Variants in SCFD2 observed in about 807,000 individuals in gnomAD.
SCFD2 encodes the protein sec1 family domain-containing protein 2.
SCFD2 carries 54 observed loss-of-function variants against 58.9 expected under a neutral mutation model. The ratio of observed to expected loss-of-function variants is 0.92; its 90% confidence interval spans 0.74 to 1.15. SCFD2 has a LOEUF of 1.15. Among genes scored for constraint, SCFD2 ranks in the 50% most tolerant of loss-of-function variants. The pLI is 0.00. For missense variants in SCFD2, 805 were observed against 836.6 expected, an observed-to-expected ratio of 0.96 and a Z score of 0.47; for synonymous variants, 321 against 335.9, an observed-to-expected ratio of 0.96 and a Z score of 0.49.
intron 4 of SCFD2, among the ~76,000 whole-genome samples, chr4:53,172,376 T>C (rs1345522133): frequency 6.6e-6 from 1 of 152,168 alleles, no homozygotes; most frequent in Non-Finnish European, 1.5e-5. Flanking sequence ...ATTCCTTTCT[T>C]CTGCTAACTT....
rs1734668751 is a variant in SCFD2 at position 53,365,418 on chromosome 4, G to A, written c.524C>T (p.Ser175Phe). ...ATCCTGGGGTAGCAGTGGGAAAAGG[G>A]ATGCAAAAGCTGGAGTCAAGGCAAA... ...PHFALTPAFA[S>F]LFPLLPQDVH... The change falls in exon 1 of 9, where the codon TCC becomes TTC. Residue 175 changes from serine to phenylalanine, a missense_variant. Transcript: ENST00000401642. This position sits in a 1 kb window ranked among gnomAD's most constrained non-coding sequence, Gnocchi z 4.3. The A allele has an allele frequency of 6.2e-7, 1 of 1,614,192 alleles. No individual in the cohort carries two copies. Among genetic ancestry groups the A allele is most frequent in the East Asian group, 2.2e-5 (1 of 44,886 alleles).
chr4:53,318,942 AACTG>A, intron 2 of SCFD2, among the ~76,000 whole-genome samples: 1 of 152,314 alleles, frequency 6.6e-6, no homozygotes, highest in Non-Finnish European at 1.5e-5. Context: ...TCAGAGAGGC[AACTG>A]ACTGATTTAA....
At chr4:52,986,317 A>C (rs1261870002) in intron 5 of SCFD2, among the ~76,000 whole-genome samples, 2 of 151,952 alleles carry the variant, frequency 1.3e-5, no homozygotes, top group East Asian at 3.9e-4. Flanking sequence ...CAATGATAAG[A>C]ATCTAATTCT....
chr4:53,235,755 G>A (rs963077191), intron 4 of SCFD2, among the ~76,000 whole-genome samples: 1 of 152,156 alleles, frequency 6.6e-6, no homozygotes, highest in Non-Finnish European at 1.5e-5. Flanking sequence ...TGATATGTGT[G>A]GAAGAGGAAA....
chr4:52,923,399 G>T (rs528455746), intron 5 of SCFD2, among the ~76,000 whole-genome samples: 26 of 152,100 alleles, frequency 1.7e-4, no homozygotes, highest in African/African-American at 6.0e-4. Flanking sequence ...AATTGCTTGA[G>T]CCCGGGAGTT....
intron 3 of SCFD2, among the ~76,000 whole-genome samples, chr4:53,298,851 C>G (rs779398018): frequency 1.6e-4 from 25 of 152,174 alleles, no homozygotes; most frequent in Non-Finnish European, 3.1e-4. Flanking sequence ...GAGTGGACCT[C>G]CAGTAAACTC....
At chr4:52,935,548 T>C (rs191553322) in intron 5 of SCFD2, among the ~76,000 whole-genome samples, 36 of 152,314 alleles carry the variant, frequency 2.4e-4, no homozygotes, top group Admixed American at 6.5e-4. Flanking sequence ...TTGTTCTACA[T>C]ATACCTTCTG....
chr4:53,136,738 T>A (rs1725954811), intron 5 of SCFD2, among the ~76,000 whole-genome samples: 1 of 152,110 alleles, frequency 6.6e-6, no homozygotes, highest in Non-Finnish European at 1.5e-5. Context: ...AGAGTCAGAG[T>A]CAAAACCAGA....
rs532727082 is a variant in SCFD2 at position 53,240,270 on chromosome 4, A to G, written c.1311+33556T>C. On this transcript the variant is annotated intron_variant, in intron 4 of 8. Transcript: ENST00000401642. ...CTAAGACTCTATAATTGATCGTAACACACACCATTATTTTATGTGCTCCCA... is the reference window on the plus strand; with the variant it reads ...CTAAGACTCTATAATTGATCGTAACGCACACCATTATTTTATGTGCTCCCA... 2.6e-5 allele frequency among the ~76,000 whole-genome samples: 4 copies of G among 152,342 alleles called. No individual in the cohort carries two copies. The South Asian group carries it at 6.2e-4, about 24-fold the overall frequency.
At chr4:52,943,636 T>C (rs1284395100) in intron 5 of SCFD2, among the ~76,000 whole-genome samples, 1 of 152,198 alleles carries the variant, frequency 6.6e-6, no homozygotes, top group East Asian at 1.9e-4. Flanking sequence ...ATAAGGGCAC[T>C]TAATCCTCAT....
chr4:53,218,883 C>G (rs1728951581), intron 4 of SCFD2, among the ~76,000 whole-genome samples: 1 of 152,142 alleles, frequency 6.6e-6, no homozygotes, highest in South Asian at 2.1e-4. Context: ...AGCTGCAGGT[C>G]TGAGTTTGCT....
At chr4:53,190,249 CTG>C (rs1727853111) in intron 4 of SCFD2, among the ~76,000 whole-genome samples, 1 of 152,056 alleles carries the variant, frequency 6.6e-6, no homozygotes, top group South Asian at 2.1e-4. Context: ...AGCTCTGAAA[CTG>C]TAGCATAGAC....
rs1043035933 is a variant in SCFD2 at position 53,033,458 on chromosome 4, TAACTC to T, written c.1561+111870_1561+111874del. Among the ~76,000 whole-genome samples, 240 of 151,862 alleles carry T rather than the reference TAACTC, an allele frequency of 1.6e-3. 1 individual carries two copies. The highest frequency in any genetic ancestry group is 5.4e-3 in the African/African-American group (225 of 41,374). ...TCAAAAGCTAGCAGAAGACAAGAAA[TAACTC>T]AGATCAGAGCAGAACTGAAGGAGAT... is the stretch of plus-strand genomic sequence containing the variant. On this transcript the variant is annotated intron_variant, in intron 5 of 8. Coordinates refer to ENST00000401642, the MANE Select transcript of SCFD2 (RefSeq NM_152540.4).
At chr4:52,960,444 C>A (rs1408844523) in intron 5 of SCFD2, among the ~76,000 whole-genome samples, 1 of 151,688 alleles carries the variant, frequency 6.6e-6, no homozygotes, top group Non-Finnish European at 1.5e-5. Flanking sequence ...TCTTGGCTCA[C>A]CACAACCTCC....
chr4:53,262,941 C>T (rs1039089856), intron 4 of SCFD2, among the ~76,000 whole-genome samples: 1 of 152,082 alleles, frequency 6.6e-6, no homozygotes, highest in African/African-American at 2.4e-5. Context: ...AGGCTTTGTT[C>T]ATTTTTTAAA....
At chr4:53,220,449 T>C (rs1729015126) in intron 4 of SCFD2, among the ~76,000 whole-genome samples, 2 of 152,240 alleles carry the variant, frequency 1.3e-5, no homozygotes, top group South Asian at 4.1e-4. Context: ...AATTGACTAT[T>C]AGTCATATAA....
At chr4:53,355,660 A>T (rs1734378927) in intron 1 of SCFD2, among the ~76,000 whole-genome samples, 1 of 152,136 alleles carries the variant, frequency 6.6e-6, no homozygotes, top group South Asian at 2.1e-4. Flanking sequence ...TTTGGCTATT[A>T]TTCTAAATCC....
intron 2 of SCFD2, among the ~76,000 whole-genome samples, chr4:53,330,627 G>C (rs1489947184): frequency 1.3e-5 from 2 of 151,984 alleles, no homozygotes; most frequent in African/African-American, 4.8e-5. Flanking sequence ...ACCAGTACCA[G>C]CCGCTGCAAA....
At chr4:53,067,433 T>G (rs1173175073) in intron 5 of SCFD2, among the ~76,000 whole-genome samples, 1 of 151,954 alleles carries the variant, frequency 6.6e-6, no homozygotes, top group Non-Finnish European at 1.5e-5. Context: ...AATGGGTATG[T>G]GCATTTAATA....
Sources: gnomAD v4.1 joint callset for allele counts (sites outside exome capture counted in the v4.1 genomes callset) on GRCh38, gnomAD v4.1.1 for gene constraint, Gnocchi (gnomAD v3.1) non-coding constraint, MANE v1.5 for transcripts, NCBI Gene and HGNC (gene_info 2026-07-23, HGNC 2026-07-21) for gene names.